ASIC2: variants seen among roughly 807,000 people sequenced by gnomAD.
The protein encoded by ASIC2 is acid-sensing ion channel 2.
In ASIC2, 25 loss-of-function variants were observed where a neutral mutation model predicts 57.3. That is an observed-to-expected ratio of 0.44 (90% CI 0.32 to 0.61). The LOEUF (loss-of-function observed/expected upper bound fraction) is 0.61, where lower values mean the gene tolerates loss of function less well. Among genes scored for constraint, ASIC2 ranks in the 20% least tolerant of loss-of-function variants. The pLI, the probability that ASIC2 is intolerant of heterozygous loss-of-function variation, is 0.06. For missense variants in ASIC2, 641 were observed against 738.1 expected (o/e 0.87, Z 1.52); for synonymous variants, 319 against 307.5 (o/e 1.04, Z -0.39).
intron 1 of ASIC2, among the ~76,000 whole-genome samples, chr17:33,667,196 G>A (rs1479778790): frequency 6.6e-6 from 1 of 152,180 alleles, no homozygotes. Context: ...GCATCTGGCA[G>A]CTTGGAAATT....
chr17:33,507,605 C>T (rs894902842), intron 1 of ASIC2, among the ~76,000 whole-genome samples: 2 of 151,912 alleles, frequency 1.3e-5, no homozygotes, highest in Admixed American at 1.3e-4. Context: ...TGTTGCAACC[C>T]TTTAAAAATA....
At chr17:34,119,964 T>G (rs1223683785) in intron 1 of ASIC2, 1 of 152,316 alleles carries the variant, frequency 6.6e-6, no homozygotes, top group Non-Finnish European at 1.5e-5. Context: ...TTTTTCTCTC[T>G]TCTCCAGATG....
chr17:33,032,440 GTTTTTTTTTTTT>G (rs60183644), intron 3 of ASIC2, among the ~76,000 whole-genome samples: 7 of 94,112 alleles, frequency 7.4e-5, no homozygotes, highest in Admixed American at 1.1e-4. Context: ...ATAATACACT[GTTTTTTTTTTTT>G]TTTTTTTTTT....
At chr17:33,523,602 A>G (rs575386500) in intron 1 of ASIC2, among the ~76,000 whole-genome samples, 1 of 152,320 alleles carries the variant, frequency 6.6e-6, no homozygotes, top group African/African-American at 2.4e-5. Flanking sequence ...AGGTTTAAGT[A>G]GCATAATGCA....
At chr17:33,822,389 G>A (rs901436976) in intron 1 of ASIC2, among the ~76,000 whole-genome samples, 2 of 152,194 alleles carry the variant, frequency 1.3e-5, no homozygotes. Flanking sequence ...GGAAGGTGTG[G>A]CTGGTGGGTA....
At chr17:33,875,919 A>G (rs931293344) in intron 1 of ASIC2, among the ~76,000 whole-genome samples, 3 of 152,194 alleles carry the variant, frequency 2.0e-5, no homozygotes, top group Non-Finnish European at 2.9e-5. Flanking sequence ...GTGAAATTTT[A>G]TTATCACAAA....
intron 1 of ASIC2, chr17:33,565,812 C>T (rs1279288028): frequency 6.6e-6 from 1 of 152,236 alleles, no homozygotes; most frequent in Admixed American, 6.5e-5. Context: ...CTGTGTGTAG[C>T]ACTCAGGACT....
At chr17:33,975,425 C>A (rs1307703033) in intron 1 of ASIC2, among the ~76,000 whole-genome samples, 1 of 152,086 alleles carries the variant, frequency 6.6e-6, no homozygotes, top group Non-Finnish European at 1.5e-5. Flanking sequence ...CAATCTGAAC[C>A]ACTTTCATTT....
chr17:33,081,459 T>C (rs936348546), intron 3 of ASIC2, among the ~76,000 whole-genome samples: 1 of 152,170 alleles, frequency 6.6e-6, no homozygotes, highest in Admixed American at 6.5e-5. Flanking sequence ...ACCTCTCCAG[T>C]GCTTTGATGG....
intron 1 of ASIC2, among the ~76,000 whole-genome samples, chr17:33,239,779 G>A (rs1489768920): frequency 6.6e-6 from 1 of 152,146 alleles, no homozygotes; most frequent in African/African-American, 2.4e-5. Context: ...ATATTGGGTG[G>A]TATTCAGTGT....
intron 1 of ASIC2, among the ~76,000 whole-genome samples, chr17:33,538,341 C>A (rs1213666367): frequency 6.6e-6 from 1 of 152,168 alleles, no homozygotes; most frequent in African/African-American, 2.4e-5. Flanking sequence ...ATCAAAGGCT[C>A]CATACAGACA....
In ASIC2 at chr17:34,038,175, T is replaced by C. The variant is rs111256384; in HGVS notation, c.555+117803A>G. The C allele has an allele frequency of 5.5e-3, 8,801 of 1,612,614 alleles. 190 individuals are homozygous for C. The East Asian group carries it at 0.063, about 11-fold the overall frequency. ...TTACCTGGTTTGAGGTCATAGTGTA[T>C]GATGGGAGGTTTTATTTCATTTAAG... On this transcript the variant is annotated intron_variant, in intron 1 of 9. Transcript: ENST00000359872.
chr17:33,886,970 A>G lies in ASIC2; in HGVS notation c.555+269008T>C, dbSNP rs563414560. Among the ~76,000 whole-genome samples, 3 of 152,268 alleles carry G rather than the reference A, an allele frequency of 2.0e-5. No individual in the cohort carries two copies. The South Asian group carries it at 6.2e-4, about 32-fold the overall frequency. The stretch of plus-strand genomic sequence containing the variant: ...AACAAACTAACAAAAAAAACAAAAA[A>G]TGCATTTTTTTCCCATCTTGACTTG... On this transcript the variant is annotated intron_variant, in intron 1 of 9. Transcript: ENST00000359872.
chr17:33,071,998 G>A (rs946426773), intron 3 of ASIC2, among the ~76,000 whole-genome samples: 3 of 152,078 alleles, frequency 2.0e-5, no homozygotes, highest in Non-Finnish European at 2.9e-5. Flanking sequence ...ACCCCAATGA[G>A]GAATATGCTG....
At chr17:33,984,021 C>T (rs1832383379) in intron 1 of ASIC2, among the ~76,000 whole-genome samples, 1 of 152,184 alleles carries the variant, frequency 6.6e-6, no homozygotes, top group South Asian at 2.1e-4. Context: ...TTCTGGTTTT[C>T]AGACCTTTTC....
In ASIC2 at chr17:33,597,494, G is replaced by T. The variant is rs181482407; in HGVS notation, c.556-485427C>A. Among the ~76,000 whole-genome samples the T allele has an allele frequency of 2.6e-3, 391 of 152,072 alleles. 2 individuals are homozygous for T. Among genetic ancestry groups the T allele is most frequent in the Non-Finnish European group, 4.7e-3 (321 of 67,984 alleles). ...GACATGTCCCTGCTCTGCAAAATGG[G>T]CCTCTCACTTCTATATATATGACTT... is the stretch of plus-strand genomic sequence containing the variant. On this transcript the variant is annotated intron_variant, in intron 1 of 9. Coordinates refer to the ASIC2 transcript ENST00000359872.
intron 1 of ASIC2, among the ~76,000 whole-genome samples, chr17:33,940,520 C>G (rs1916165153): frequency 6.6e-6 from 1 of 152,134 alleles, no homozygotes; most frequent in Non-Finnish European, 1.5e-5. Flanking sequence ...CTCCTTCACT[C>G]CACATCCATC....
intron 1 of ASIC2, among the ~76,000 whole-genome samples, chr17:34,143,330 A>G (rs976031094): frequency 5.3e-4 from 80 of 152,328 alleles, no homozygotes; most frequent in Middle Eastern, 3.4e-3. Flanking sequence ...TTGAATATAT[A>G]TAGTATGTCC....
At chr17:33,962,975 T>C (rs983409640) in intron 1 of ASIC2, among the ~76,000 whole-genome samples, 2 of 152,174 alleles carry the variant, frequency 1.3e-5, no homozygotes, top group African/African-American at 4.8e-5. Context: ...CATCTCTACT[T>C]GGGGTGTCAG....
Sources: gnomAD v4.1 joint callset for allele counts (sites outside exome capture counted in the v4.1 genomes callset) on GRCh38, gnomAD v4.1.1 for gene constraint, MANE v1.5 for transcripts, NCBI Gene and HGNC (gene_info 2026-07-23, HGNC 2026-07-21) for gene names.